The following DGCR2 variants were observed in gnomAD, a reference collection of about 807,000 sequenced individuals.
DGCR2 encodes the protein integral membrane protein DGCR2/IDD.
Under a neutral mutation model 51.6 loss-of-function variants are expected in DGCR2, and 24 were observed. The ratio of observed to expected loss-of-function variants is 0.47; its 90% CI spans 0.34 to 0.65. DGCR2 has a LOEUF of 0.65. Ranked by LOEUF, DGCR2 falls within the 30% of genes least tolerant of loss-of-function variation. The probability of loss-of-function intolerance (pLI) is 0.01; values close to 1 mark genes in which losing one functional copy is unlikely to be tolerated. For missense variants in DGCR2, 765 were observed against 772.1 expected (o/e 0.99, Z 0.11); for synonymous variants, 340 against 315.4 (o/e 1.08, Z -0.82).
At chr22:19,041,412 C>T (rs2082430563) in intron 8 of DGCR2, 118 bp from the exon 9 acceptor site, 1 of 977,860 alleles carries the variant, frequency 1.0e-6, no homozygotes, top group East Asian at 2.5e-5. Context: ...CACACCTGTG[C>T]CCCGCTGCCT....
intron 1 of DGCR2, among the ~76,000 whole-genome samples, chr22:19,120,182 A>C (rs937391733): frequency 1.3e-5 from 2 of 152,186 alleles, no homozygotes; most frequent in Non-Finnish European, 2.9e-5. Flanking sequence ...AGGGCAACTC[A>C]AGACGCCTCC....
intron 3 of DGCR2, among the ~76,000 whole-genome samples, chr22:19,067,590 G>A (rs1356866424): frequency 6.6e-6 from 1 of 152,044 alleles, no homozygotes; most frequent in Non-Finnish European, 1.5e-5. Context: ...CTACTCGGGA[G>A]GCTAAGACAG....
Position 19,039,104 on chromosome 22 carries a change from G to A in DGCR2, c.1414C>T (p.Pro472Ser). ...YDPADDDAFE[P>S]VEVSLPAPGD... ...GGGGCTGGCAGGCTGACCTCCACAG[G>A]CTCAAAAGCATCATCGTCTGCAGGA... The change falls in exon 10 of 10, where the codon CCT becomes TCT. Residue 472 changes from proline (P) to serine (S), a missense_variant. Around this residue, in one of 3 missense-constraint regions of DGCR2, gnomAD observed 205 missense variants for 181.4 expected, o/e 1.13. Transcript: ENST00000263196. 1 of 1,613,090 alleles carries A rather than the reference G, an allele frequency of 6.2e-7. No homozygotes were observed. The highest frequency in any genetic ancestry group is 8.5e-7 in the Non-Finnish European group (1 of 1,179,980).
At chr22:19,095,657 T>C (rs958317545) in intron 1 of DGCR2, among the ~76,000 whole-genome samples, 1 of 142,068 alleles carries the variant, frequency 7.0e-6, no homozygotes, top group Non-Finnish European at 1.5e-5. Context: ...CAAGACTCCG[T>C]CTCAAAAAAA....
In DGCR2 at chr22:19,111,677, T is replaced by C. The variant is rs376545027; in HGVS notation, c.79+10451A>G. ...GCCCCTGCTTCAGACAGCTCCCCCA[T>C]ACCACTGCATACCCAAAGACTATCA... On this transcript the variant is annotated intron_variant, in intron 1 of 9. Coordinates refer to ENST00000263196, the MANE Select transcript of DGCR2 (RefSeq NM_005137.3). Among the ~76,000 whole-genome samples, 443 of 152,100 alleles carry C rather than the reference T, an allele frequency of 2.9e-3. 6 individuals carry two copies. Among genetic ancestry groups the C allele is most frequent in the African/African-American group, 0.01 (430 of 41,488 alleles).
At chr22:19,062,482 G>A (rs1007178973) in intron 5 of DGCR2, among the ~76,000 whole-genome samples, 6 of 152,198 alleles carry the variant, frequency 3.9e-5, no homozygotes, top group African/African-American at 9.6e-5. Flanking sequence ...CAGCAGGACT[G>A]GGATGTGTTT....
At chr22:19,047,519 AAG>A (rs2082502957) in intron 7 of DGCR2, 1 of 152,222 alleles carries the variant, frequency 6.6e-6, no homozygotes, top group South Asian at 2.1e-4. Flanking sequence ...GCACCCAAGA[AAG>A]AAAGAAACTC....
At chr22:19,083,981 C>T (rs1028698233) in intron 2 of DGCR2, among the ~76,000 whole-genome samples, 9 of 152,192 alleles carry the variant, frequency 5.9e-5, no homozygotes, top group Admixed American at 1.3e-4. Flanking sequence ...CTCGGCCTCC[C>T]GAGGTGCCGG....
At chr22:19,093,847 A>C (rs886603674) in intron 1 of DGCR2, among the ~76,000 whole-genome samples, 16 of 152,094 alleles carry the variant, frequency 1.1e-4, no homozygotes, top group South Asian at 2.1e-4. Context: ...ACAAAAAAAA[A>C]ACAAAAAAAT....
intron 1 of DGCR2, 47 bp from the exon 2 acceptor site, chr22:19,089,537 C>T: frequency 6.8e-7 from 1 of 1,464,942 alleles, no homozygotes; most frequent in Non-Finnish European, 9.1e-7. Context: ...GGCAGTAGGC[C>T]AGCAAACCAT....
At chr22:19,086,061 GA>G (rs894708253) in intron 2 of DGCR2, among the ~76,000 whole-genome samples, 20 of 151,732 alleles carry the variant, frequency 1.3e-4, no homozygotes, top group African/African-American at 3.6e-4. Flanking sequence ...AAATAAACTA[GA>G]AAAAAAATCA....
At chr22:19,119,522 G>C (rs1440286364) in intron 1 of DGCR2, among the ~76,000 whole-genome samples, 5 of 152,092 alleles carry the variant, frequency 3.3e-5, no homozygotes, top group African/African-American at 9.7e-5. Context: ...GCTCACCAGA[G>C]GTCAGGAGTT....
intron 1 of DGCR2, among the ~76,000 whole-genome samples, chr22:19,102,201 T>C (rs559694646): frequency 1.3e-5 from 2 of 152,284 alleles, no homozygotes; most frequent in East Asian, 3.9e-4. Context: ...ATTTCACTCA[T>C]AAGAAGTACC....
At chr22:19,041,374 C>A in intron 8 of DGCR2, 80 bp from the exon 9 acceptor site, 2 of 1,424,562 alleles carry the variant, frequency 1.4e-6, no homozygotes, top group Non-Finnish European at 2.0e-6. Context: ...CCCCCACCCC[C>A]AGGCTGGGCC....
chr22:19,062,255 C>T (rs893986390), intron 5 of DGCR2, among the ~76,000 whole-genome samples: 1 of 152,150 alleles, frequency 6.6e-6, no homozygotes, highest in Non-Finnish European at 1.5e-5. Flanking sequence ...GGCATCTGTC[C>T]TGAGCAGGAT....
At chr22:19,120,557 G>C (rs1569095750) in intron 1 of DGCR2, among the ~76,000 whole-genome samples, 1 of 152,184 alleles carries the variant, frequency 6.6e-6, no homozygotes, top group Non-Finnish European at 1.5e-5. Flanking sequence ...TATGTGAAAA[G>C]GCTGGCAAGG....
chr22:19,088,365 G>GT (rs1325353757), intron 2 of DGCR2, among the ~76,000 whole-genome samples: 1 of 152,188 alleles, frequency 6.6e-6, no homozygotes, highest in African/African-American at 2.4e-5. Context: ...TCCCACTGGG[G>GT]TAACATCTGA....
Position 19,089,605 on chromosome 22 carries a change from A to G in DGCR2, c.80-115T>C, listed in dbSNP as rs1317694385. ...GTTTGTTTGTTTGTTTTTGAGACAG[A>G]GTCTCATTCTGTCACCCAGGCTGGA... On this transcript the variant is annotated intron_variant, in intron 1 of 9. Transcript: ENST00000263196. 5 of 1,204,126 alleles carry G rather than the reference A, an allele frequency of 4.2e-6. No homozygotes were observed. The East Asian group carries it at 1.5e-4, about 37-fold the overall frequency. 74.6% of individuals were successfully genotyped at this position (1,204,126 alleles called of 1,614,324 possible).
chr22:19,109,142 C>CA (rs999770661), intron 1 of DGCR2, among the ~76,000 whole-genome samples: 1 of 152,134 alleles, frequency 6.6e-6, no homozygotes, highest in Non-Finnish European at 1.5e-5. Flanking sequence ...AACAAACAAA[C>CA]AAGTGTTGGC....
Sources: allele counts gnomAD v4.1 joint callset (sites outside exome capture counted in the v4.1 genomes callset), GRCh38; gene constraint gnomAD v4.1.1; regional missense constraint gnomAD v4.1.1; transcripts MANE v1.5; gene names NCBI Gene and HGNC (gene_info 2026-07-23, HGNC 2026-07-21).